The following RGS6 variants were observed in gnomAD, a reference collection of about 807,000 sequenced individuals.
RGS6 encodes regulator of G-protein signaling 6.
A neutral mutation model predicts 78.5 loss-of-function variants in RGS6; 30 were observed. The observed-to-expected ratio is 0.38, with a 90% confidence interval of 0.29 to 0.52. The LOEUF (loss-of-function observed/expected upper bound fraction) is 0.52, where lower values mean the gene tolerates loss of function less well. Among genes scored for constraint, RGS6 ranks in the 20% least tolerant of loss-of-function variants. The pLI is 0.85. For synonymous variants in RGS6, 206 were observed against 206.0 expected, an observed-to-expected ratio of 1.00 and a Z score of 0.00; for missense variants, 495 against 609.7, an observed-to-expected ratio of 0.81 and a Z score of 1.98.
At chr14:72,006,125 G>C (rs2084507074) in intron 2 of RGS6, among the ~76,000 whole-genome samples, 1 of 152,134 alleles carries the variant, frequency 6.6e-6, no homozygotes, top group African/African-American at 2.4e-5. Context: ...TCTTCAATGT[G>C]TCTGACAAAT....
At chr14:71,982,501 GTTC>G (rs1566956660) in intron 2 of RGS6, among the ~76,000 whole-genome samples, 2 of 152,158 alleles carry the variant, frequency 1.3e-5, no homozygotes, top group Admixed American at 1.3e-4. Context: ...CTGGACTTCA[GTTC>G]TTCTTAGGGC....
intron 2 of RGS6, among the ~76,000 whole-genome samples, chr14:72,167,837 T>G (rs2096950319): frequency 6.6e-6 from 1 of 151,994 alleles, no homozygotes; most frequent in African/African-American, 2.4e-5. Flanking sequence ...TAGCTGGGGG[T>G]GAGAGTTGGA....
chr14:71,908,772 T>C, the RGS6 span, among the ~76,000 whole-genome samples: 1 of 152,194 alleles, frequency 6.6e-6, no homozygotes, highest in East Asian at 1.9e-4. Context: ...ATAAACATGT[T>C]AGAGGAACCC....
chr14:72,169,473 A>G (rs563270281), intron 2 of RGS6, among the ~76,000 whole-genome samples: 4 of 152,324 alleles, frequency 2.6e-5, no homozygotes, highest in African/African-American at 9.6e-5. Context: ...AATGCTTCAG[A>G]CCATGGCTTT....
In RGS6 at chr14:71,962,198, A is replaced by G. The variant is rs1207830652; in HGVS notation, c.-20-2574A>G. 2.6e-5 allele frequency among the ~76,000 whole-genome samples: 4 copies of G among 152,220 alleles called. No homozygotes were observed. In the East Asian group the frequency reaches 7.7e-4, roughly 29 times the overall value. On this transcript the variant is annotated intron_variant, in intron 1 of 17. Coordinates refer to ENST00000553525, the MANE Select transcript of RGS6 (RefSeq NM_001204424.2). ...TACTAAAATTCTTCACACAGAGACTATCTGCATTCACTTAGTAGTTTCCAG... is the reference window on the plus strand; with the variant it reads ...TACTAAAATTCTTCACACAGAGACTGTCTGCATTCACTTAGTAGTTTCCAG...
intron 2 of RGS6, among the ~76,000 whole-genome samples, chr14:72,165,241 T>G (rs866728423): frequency 1.3e-5 from 2 of 152,358 alleles, no homozygotes; most frequent in South Asian, 2.1e-4. Flanking sequence ...GAGATGCCCA[T>G]GCAGCGTCTT....
intron 11 of RGS6, among the ~76,000 whole-genome samples, chr14:72,477,802 AAAAAAAG>A (rs2096275599): frequency 1.4e-5 from 2 of 146,244 alleles, no homozygotes; most frequent in South Asian, 4.5e-4. Context: ...GTCTCAAAAA[AAAAAAAG>A]AAAAAAAGAA....
At chr14:71,967,439 C>T (rs1236951123) in intron 2 of RGS6, among the ~76,000 whole-genome samples, 1 of 152,116 alleles carries the variant, frequency 6.6e-6, no homozygotes, top group Non-Finnish European at 1.5e-5. Flanking sequence ...CAAGAACTTA[C>T]TTGCTGTAGG....
chr14:72,408,391 C>T (rs2093126167), intron 3 of RGS6, among the ~76,000 whole-genome samples: 1 of 152,112 alleles, frequency 6.6e-6, no homozygotes, highest in Admixed American at 6.6e-5. Context: ...AGATGATCAC[C>T]TTATAACTGA....
intron 2 of RGS6, among the ~76,000 whole-genome samples, chr14:72,295,135 C>G (rs543840265): frequency 5.9e-4 from 89 of 151,510 alleles, no homozygotes; most frequent in Non-Finnish European, 8.8e-4. Flanking sequence ...ACTAAAAATA[C>G]AAAAAATTAG....
rs114777924 is a variant in RGS6 at position 72,468,860 on chromosome 14, C to T, written c.460-1147C>T. On this transcript the variant is annotated intron_variant, in intron 7 of 17. Transcript: ENST00000553525. ...ACAGTTTTTAGAAGTACTTTCACAC[C>T]AAGCCTGGGTGATAACTGTGAGCTC... Among the ~76,000 whole-genome samples the T allele has an allele frequency of 7.2e-4, 109 of 152,238 alleles. 1 individual carries two copies. Among genetic ancestry groups the T allele is most frequent in the African/African-American group, 2.6e-3 (106 of 41,536 alleles).
intron 3 of RGS6, among the ~76,000 whole-genome samples, chr14:72,437,680 G>C (rs747233827): frequency 6.6e-5 from 10 of 152,204 alleles, no homozygotes; most frequent in Non-Finnish European, 1.2e-4. Context: ...TCTCTGAACA[G>C]AAGACCGTTT....
the RGS6 span, among the ~76,000 whole-genome samples, chr14:71,915,139 T>C: frequency 1.3e-5 from 2 of 150,732 alleles, no homozygotes; most frequent in African/African-American, 2.4e-5. Flanking sequence ...GTGCCTGTAG[T>C]CCCAGCTACT....
chr14:72,404,316 GA>G (rs1223120915), intron 3 of RGS6, among the ~76,000 whole-genome samples: 1 of 152,194 alleles, frequency 6.6e-6, no homozygotes, highest in Non-Finnish European at 1.5e-5. Context: ...GGAAATTCTG[GA>G]TGGATGGGAT....
At chr14:72,530,371 C>T (rs962392417) in intron 15 of RGS6, among the ~76,000 whole-genome samples, 2 of 152,174 alleles carry the variant, frequency 1.3e-5, no homozygotes, top group Non-Finnish European at 2.9e-5. Flanking sequence ...TGTGGACTAA[C>T]ATTTGTACCT....
At chr14:72,568,064 A>C (rs1473247517), downstream of RGS6, among the ~76,000 whole-genome samples, 1 of 152,176 alleles carries the variant, frequency 6.6e-6, no homozygotes, top group Non-Finnish European at 1.5e-5. Context: ...CATCTGTCAC[A>C]GAGCTCTCTG....
upstream of RGS6, among the ~76,000 whole-genome samples, chr14:71,930,003 A>G (rs2087777742): frequency 6.6e-6 from 1 of 152,182 alleles, no homozygotes; most frequent in African/African-American, 2.4e-5. Context: ...CCACTATACC[A>G]AGGAACTGTG....
At chr14:72,617,113 G>A in the RGS6 span, among the ~76,000 whole-genome samples, 1 of 152,212 alleles carries the variant, frequency 6.6e-6, no homozygotes, top group African/African-American at 2.4e-5. Context: ...TGTAGGCAGA[G>A]CAGACATGGG....
intron 2 of RGS6, among the ~76,000 whole-genome samples, chr14:72,341,852 A>T (rs1211491686): frequency 6.6e-6 from 1 of 152,154 alleles, no homozygotes. Context: ...ACCAGAAAGG[A>T]TGAGTGATCC....
Sources: allele counts gnomAD v4.1 joint callset (sites outside exome capture counted in the v4.1 genomes callset), GRCh38; gene constraint gnomAD v4.1.1; transcripts MANE v1.5; gene names NCBI Gene and HGNC (gene_info 2026-07-23, HGNC 2026-07-21).